The following ADCY8 variants were observed in gnomAD, a reference collection of about 807,000 sequenced individuals.
The protein encoded by ADCY8 is adenylate cyclase type 8.
ADCY8 carries 51 observed loss-of-function variants against 119.7 expected under a neutral mutation model. The ratio of observed to expected loss-of-function variants is 0.43; its 90% CI spans 0.34 to 0.54. ADCY8 has a LOEUF of 0.54. Ranked by LOEUF, ADCY8 falls within the 20% of genes least tolerant of loss-of-function variation. The probability of loss-of-function intolerance (pLI) is 0.03; values close to 1 mark genes in which losing one functional copy is unlikely to be tolerated. For missense variants in ADCY8, 1,383 were observed against 1,598.8 expected (o/e 0.87, Z 2.30); for synonymous variants, 665 against 651.0 (o/e 1.02, Z -0.33).
chr8:130,952,507 G>A (rs1821303892), intron 2 of ADCY8, among the ~76,000 whole-genome samples: 1 of 152,172 alleles, frequency 6.6e-6, no homozygotes, highest in South Asian at 2.1e-4. Context: ...AGGCAGAAAT[G>A]AGCAATGGTG....
chr8:130,817,817 A>T (rs1260684116), intron 13 of ADCY8, among the ~76,000 whole-genome samples: 3 of 152,216 alleles, frequency 2.0e-5, no homozygotes, highest in Non-Finnish European at 4.4e-5. Flanking sequence ...CTTCCAGGTA[A>T]CAAATAGTGA....
At chr8:130,856,543 G>A (rs924757394) in intron 9 of ADCY8, among the ~76,000 whole-genome samples, 2 of 152,142 alleles carry the variant, frequency 1.3e-5, no homozygotes, top group Non-Finnish European at 2.9e-5. Context: ...CCACCCCGAG[G>A]TGCCTTCGGT....
intron 11 of ADCY8, among the ~76,000 whole-genome samples, chr8:130,844,924 G>T (rs954831994): frequency 6.6e-6 from 1 of 152,118 alleles, no homozygotes; most frequent in Non-Finnish European, 1.5e-5. Flanking sequence ...CAGTGGTTCG[G>T]GTATGTACAG....
At chr8:130,852,500 T>C (rs1354824445) in intron 9 of ADCY8, among the ~76,000 whole-genome samples, 1 of 152,040 alleles carries the variant, frequency 6.6e-6, no homozygotes, top group Non-Finnish European at 1.5e-5. Context: ...TGTCAGGAAG[T>C]CCCATGAGAG....
rs182769625 is a variant in ADCY8 at position 130,880,971 on chromosome 8, G to A, written c.2109+3593C>T. Among the ~76,000 whole-genome samples the A allele has an allele frequency of 2.6e-5, 4 of 152,260 alleles. No homozygotes were observed. The East Asian group carries it at 5.8e-4, about 22-fold the overall frequency. On this transcript the variant is annotated intron_variant, in intron 8 of 17. Coordinates refer to ENST00000286355, the MANE Select transcript of ADCY8 (RefSeq NM_001115.3). The stretch of plus-strand genomic sequence containing the variant: ...GGACTAGAGAAGGAAAGATATGTTC[G>A]CTAAGCTACATGAGTCATGAGCATA...
chr8:131,016,756 T>C (rs1170183097), intron 1 of ADCY8, among the ~76,000 whole-genome samples: 1 of 151,902 alleles, frequency 6.6e-6, no homozygotes, highest in East Asian at 1.9e-4. Flanking sequence ...CAGAGGCAGG[T>C]CTTTGGACCA....
At chr8:131,024,841 T>G (rs1823776352) in intron 1 of ADCY8, among the ~76,000 whole-genome samples, 1 of 152,168 alleles carries the variant, frequency 6.6e-6, no homozygotes, top group African/African-American at 2.4e-5. Flanking sequence ...TACTCATAAT[T>G]CTCTTCTTAA....
At chr8:130,811,030 C>G (rs920164649) in intron 14 of ADCY8, among the ~76,000 whole-genome samples, 1 of 152,130 alleles carries the variant, frequency 6.6e-6, no homozygotes, top group African/African-American at 2.4e-5. Context: ...TTGATACACA[C>G]TGATATTCTC....
At chr8:130,819,426 A>G (rs1428026541) in intron 13 of ADCY8, among the ~76,000 whole-genome samples, 1 of 152,230 alleles carries the variant, frequency 6.6e-6, no homozygotes, top group African/African-American at 2.4e-5. Flanking sequence ...CACAGGATAA[A>G]TCAAATCTGA....
intron 6 of ADCY8, 114 bp from the exon 7 acceptor site, chr8:130,904,156 T>C (rs1160883803): frequency 3.8e-6 from 4 of 1,059,196 alleles, no homozygotes; most frequent in Admixed American, 4.6e-5. Flanking sequence ...TATTAGGACA[T>C]GTCCTCAGGG....
At chr8:130,853,588 T>A (rs72712480) in intron 9 of ADCY8, among the ~76,000 whole-genome samples, 1 of 146,756 alleles carries the variant, frequency 6.8e-6, no homozygotes, top group African/African-American at 2.5e-5. Flanking sequence ...TTTTTTTTTT[T>A]TTTTTTTCTC....
chr8:130,803,867 A>G (rs1450220446), intron 14 of ADCY8, among the ~76,000 whole-genome samples: 1 of 152,222 alleles, frequency 6.6e-6, no homozygotes, highest in East Asian at 1.9e-4. Flanking sequence ...TTAAGCATGG[A>G]TTAATCTAAA....
intron 5 of ADCY8, among the ~76,000 whole-genome samples, chr8:130,931,312 A>G (rs914746198): frequency 6.6e-6 from 1 of 152,154 alleles, no homozygotes; most frequent in African/African-American, 2.4e-5. Flanking sequence ...GATGTTAACC[A>G]TATTGGGACT....
chr8:130,981,771 A>T (rs1822247335), intron 2 of ADCY8, among the ~76,000 whole-genome samples: 1 of 152,252 alleles, frequency 6.6e-6, no homozygotes, highest in African/African-American at 2.4e-5. Context: ...AACTGTTGTT[A>T]CTAGAATCAG....
intron 1 of ADCY8, among the ~76,000 whole-genome samples, chr8:130,999,352 A>C (rs1266788644): frequency 6.6e-6 from 1 of 152,132 alleles, no homozygotes; most frequent in Non-Finnish European, 1.5e-5. Context: ...CCCCAACCCC[A>C]GGAGTGGAAA....
intron 1 of ADCY8, among the ~76,000 whole-genome samples, chr8:131,024,739 C>A (rs1191932614): frequency 6.6e-6 from 1 of 152,162 alleles, no homozygotes; most frequent in Non-Finnish European, 1.5e-5. Context: ...CACAAATTTG[C>A]AACTGATGGT....
Position 130,844,406 on chromosome 8 carries a change from C to A in ADCY8, c.2502+3018G>T, listed in dbSNP as rs1368670994. 2.6e-5 allele frequency among the ~76,000 whole-genome samples: 4 copies of A among 152,168 alleles called. 1 individual carries two copies. Among genetic ancestry groups the A allele is most frequent in the Admixed American group, 1.3e-4 (2 of 15,272 alleles). On this transcript the variant is annotated intron_variant, in intron 11 of 17. Transcript: ENST00000286355. ...GAACCAAGTTATACTTTATATCATACATTGTAAAAGCCTCATTTTTTGTAT... is the reference window on the plus strand; with the variant it reads ...GAACCAAGTTATACTTTATATCATAAATTGTAAAAGCCTCATTTTTTGTAT...
intron 5 of ADCY8, among the ~76,000 whole-genome samples, chr8:130,910,159 C>G (rs1819936752): frequency 6.6e-6 from 1 of 152,070 alleles, no homozygotes; most frequent in South Asian, 2.1e-4. Context: ...AATGTCACCC[C>G]TTCCATGAAG....
intron 5 of ADCY8, among the ~76,000 whole-genome samples, chr8:130,910,969 T>C (rs1257336057): frequency 3.9e-5 from 6 of 152,302 alleles, no homozygotes; most frequent in Admixed American, 2.6e-4. Context: ...ATTATGTGAC[T>C]TCAAAATGCT....
Sources: allele counts gnomAD v4.1 joint callset (sites outside exome capture counted in the v4.1 genomes callset), GRCh38; gene constraint gnomAD v4.1.1; transcripts MANE v1.5; gene names NCBI Gene and HGNC (gene_info 2026-07-23, HGNC 2026-07-21).